The following EPHA5 variants were observed in gnomAD, a reference collection of about 807,000 sequenced individuals.
The protein encoded by EPHA5 is EPH receptor A5.
In EPHA5, 60 loss-of-function variants were observed where a neutral mutation model predicts 105.0. That is an observed-to-expected ratio of 0.57 (90% confidence interval 0.46 to 0.71). EPHA5 has a LOEUF of 0.71. Ranked by LOEUF, EPHA5 falls within the 30% of genes least tolerant of loss-of-function variation. EPHA5 has a pLI of 0.00. For synonymous variants in EPHA5, 513 were observed against 449.1 expected (o/e 1.14, Z -1.80); for missense variants, 1,218 against 1,274.7 (o/e 0.96, Z 0.68).
intron 5 of EPHA5, among the ~76,000 whole-genome samples, chr4:65,477,393 G>GT (rs1254795849): frequency 6.6e-6 from 1 of 151,826 alleles, no homozygotes; most frequent in Non-Finnish European, 1.5e-5. Context: ...ATCACTTCAT[G>GT]TTTTTTGTTT....
intron 5 of EPHA5, among the ~76,000 whole-genome samples, chr4:65,428,210 A>C (rs1270448316): frequency 2.0e-5 from 3 of 152,132 alleles, no homozygotes; most frequent in Non-Finnish European, 2.9e-5. Flanking sequence ...TGAATTATAA[A>C]CTTATTCAAA....
At chr4:65,428,052 G>T (rs904382559) in intron 5 of EPHA5, among the ~76,000 whole-genome samples, 21 of 151,912 alleles carry the variant, frequency 1.4e-4, no homozygotes, top group Non-Finnish European at 7.4e-5. Context: ...ATCTCTAAGA[G>T]AATCATGTAC....
chr4:65,618,136 T>A (rs1745404747), intron 2 of EPHA5, among the ~76,000 whole-genome samples: 1 of 152,138 alleles, frequency 6.6e-6, no homozygotes, highest in African/African-American at 2.4e-5. Flanking sequence ...GGACACAGAT[T>A]GTCTTCCACT....
intron 8 of EPHA5, among the ~76,000 whole-genome samples, chr4:65,378,113 T>C (rs1719190546): frequency 6.6e-6 from 1 of 151,942 alleles, no homozygotes; most frequent in Non-Finnish European, 1.5e-5. Flanking sequence ...AAAATTCCAA[T>C]GGATCTTTTC....
chr4:65,413,001 T>C (rs1000714483), intron 7 of EPHA5, among the ~76,000 whole-genome samples: 1 of 152,160 alleles, frequency 6.6e-6, no homozygotes, highest in Non-Finnish European at 1.5e-5. Flanking sequence ...ATAAGCAATA[T>C]TTATTACTAA....
At chr4:65,377,585 A>G (rs1205650207) in intron 8 of EPHA5, among the ~76,000 whole-genome samples, 1 of 151,958 alleles carries the variant, frequency 6.6e-6, no homozygotes, top group Non-Finnish European at 1.5e-5. Flanking sequence ...TCCCCAGATC[A>G]TTTATTGAAG....
rs538724439 is a variant in EPHA5, at chr4:65,654,870, AT to A, written c.182-11444del. On this transcript the variant is annotated intron_variant, in intron 1 of 16. Transcript: ENST00000613740. ...TGGATATATATGTATTTTAATATAT[AT>A]TTATTTATATATATTAAATATATAT... Among the ~76,000 whole-genome samples, 1,316 of 147,110 alleles carry A rather than the reference AT, an allele frequency of 8.9e-3. 16 individuals are homozygous for A. The highest frequency in any genetic ancestry group is 0.016 in the Non-Finnish European group (1,038 of 66,850).
chr4:65,660,844 T>C (rs1474536941), intron 1 of EPHA5, among the ~76,000 whole-genome samples: 1 of 152,076 alleles, frequency 6.6e-6, no homozygotes, highest in Non-Finnish European at 1.5e-5. Flanking sequence ...AAAATCCATA[T>C]TTCTGTTAAA....
intron 8 of EPHA5, among the ~76,000 whole-genome samples, chr4:65,374,597 C>T (rs997423806): frequency 5.3e-5 from 8 of 151,834 alleles, no homozygotes; most frequent in African/African-American, 1.9e-4. Flanking sequence ...CTTCGGAACG[C>T]TAAATTTCCA....
At chr4:65,451,049 T>C (rs1322980171) in intron 5 of EPHA5, among the ~76,000 whole-genome samples, 1 of 152,118 alleles carries the variant, frequency 6.6e-6, no homozygotes, top group Non-Finnish European at 1.5e-5. Flanking sequence ...GACCTTCTAA[T>C]GATACTTCAA....
rs975391158 is a variant in EPHA5, at chr4:65,494,945, G to T, written c.1066+443C>A. ...ACATAATTATGTGATGGGAAAACTG[G>T]CAGAGAAAGAGGAAGAAGAAGAAGA... is the stretch of plus-strand genomic sequence containing the variant. On this transcript the variant is annotated intron_variant, in intron 4 of 16. Coordinates refer to ENST00000613740, the MANE Select transcript of EPHA5 (RefSeq NM_001281766.3). 2.6e-5 allele frequency among the ~76,000 whole-genome samples: 4 copies of T among 151,954 alleles called. No individual in the cohort carries two copies. The East Asian group carries it at 7.8e-4, about 30-fold the overall frequency.
chr4:65,491,180 G>T, intron 4 of EPHA5, among the ~76,000 whole-genome samples: 1 of 135,734 alleles, frequency 7.4e-6, no homozygotes, highest in African/African-American at 2.8e-5. Flanking sequence ...AATGTTGTAA[G>T]TAAAAAAAAA....
intron 14 of EPHA5, among the ~76,000 whole-genome samples, chr4:65,344,500 T>C (rs78515677): frequency 2.8e-4 from 43 of 152,302 alleles, no homozygotes; most frequent in African/African-American, 9.6e-4. Flanking sequence ...GAAAAACTAA[T>C]AATTCTGAGT....
At chr4:65,523,390 C>A (rs940696394) in intron 3 of EPHA5, among the ~76,000 whole-genome samples, 1 of 151,936 alleles carries the variant, frequency 6.6e-6, no homozygotes, top group African/African-American at 2.4e-5. Flanking sequence ...TTTGATATTT[C>A]ATCTCTCTTT....
At chr4:65,623,801 T>C (rs1361035670) in intron 2 of EPHA5, among the ~76,000 whole-genome samples, 1 of 152,180 alleles carries the variant, frequency 6.6e-6, no homozygotes, top group Non-Finnish European at 1.5e-5. Context: ...ACAAAAATTA[T>C]TGAGGAATTC....
intron 6 of EPHA5, among the ~76,000 whole-genome samples, chr4:65,418,452 C>A (rs1248314365): frequency 6.6e-6 from 1 of 152,086 alleles, no homozygotes; most frequent in African/African-American, 2.4e-5. Flanking sequence ...GTTTTGTTGA[C>A]AATAAACAGT....
chr4:65,386,250 T>C (rs573966791), intron 8 of EPHA5, among the ~76,000 whole-genome samples: 2 of 152,020 alleles, frequency 1.3e-5, no homozygotes, highest in East Asian at 3.9e-4. Context: ...GACTGTACTT[T>C]TTGCTTATAA....
At chr4:65,505,760 AT>A (rs957346363) in intron 3 of EPHA5, among the ~76,000 whole-genome samples, 1 of 152,088 alleles carries the variant, frequency 6.6e-6, no homozygotes, top group Admixed American at 6.6e-5. Context: ...ATTTGTAATT[AT>A]TTTTTAAGTT....
intron 1 of EPHA5, among the ~76,000 whole-genome samples, chr4:65,652,751 T>A (rs777170431): frequency 3.9e-5 from 6 of 152,148 alleles, no homozygotes; most frequent in African/African-American, 9.6e-5. Flanking sequence ...GTATATCAGA[T>A]GAAAATCTTC....
Sources: gnomAD v4.1 joint callset for allele counts (sites outside exome capture counted in the v4.1 genomes callset) on GRCh38, gnomAD v4.1.1 for gene constraint, MANE v1.5 for transcripts, NCBI Gene and HGNC (gene_info 2026-07-23, HGNC 2026-07-21) for gene names.